Variants in IQSEC1 observed in about 807,000 individuals in gnomAD.
IQSEC1 encodes the protein IQ motif and Sec7 domain ArfGEF 1, also known as IQ motif and SEC7 domain-containing protein 1.
A neutral mutation model predicts 91.0 loss-of-function variants in IQSEC1; 31 were observed. The ratio of observed to expected loss-of-function variants is 0.34; its 90% CI spans 0.26 to 0.46. The LOEUF (loss-of-function observed/expected upper bound fraction) is 0.46, where lower values mean the gene tolerates loss of function less well. Ranked by LOEUF, IQSEC1 falls within the 20% of genes least tolerant of loss-of-function variation. The pLI is 1.00. For synonymous variants in IQSEC1, 699 were observed against 662.6 expected, an observed-to-expected ratio of 1.05 and a Z score of -0.84; for missense variants, 1,388 against 1,575.6, an observed-to-expected ratio of 0.88 and a Z score of 2.02.
chr3:13,092,103 T>G (rs937091743), intron 2 of IQSEC1, among the ~76,000 whole-genome samples: 1 of 152,056 alleles, frequency 6.6e-6, no homozygotes, highest in East Asian at 1.9e-4. Context: ...TCAATTGCCC[T>G]GCACTGTGCA....
chr3:12,935,739 CG>C lies in IQSEC1; in HGVS notation c.1276del (p.Arg426GlyfsTer93). Reference protein sequence around the residue: ...LPREEPELRPRPPRPLDSHLA... With the variant: ...LPREEPELRPXPPRPLDSHLA... ...GTGGCTGTCCAGGGGCCTGGGGGGC[CG>C]GGGCCGCAACTCAGGCTCCTCCCGG... On this transcript the variant is annotated frameshift_variant, in exon 3 of 14. Transcript: ENST00000613206. LOFTEE classifies it high-confidence loss of function. The surrounding 1 kb of genome is among the most constrained non-coding windows in gnomAD (Gnocchi z 8.0). The C allele has an allele frequency of 6.2e-7, 1 of 1,610,746 alleles. No individual in the cohort carries two copies.
intron 1 of IQSEC1, among the ~76,000 whole-genome samples, chr3:13,190,637 T>C (rs907279162): frequency 1.3e-5 from 2 of 152,146 alleles, no homozygotes; most frequent in African/African-American, 4.8e-5. Context: ...TGGCAGTGTC[T>C]ACGAAGGATG....
intron 1 of IQSEC1, among the ~76,000 whole-genome samples, chr3:13,213,475 TC>T (rs771699763): frequency 2.2e-4 from 34 of 152,346 alleles, no homozygotes; most frequent in Admixed American, 9.1e-4. Context: ...TTGTTCTTTT[TC>T]AGGACCATTT....
At chr3:12,952,759 C>T (rs1465856792) in intron 1 of IQSEC1, among the ~76,000 whole-genome samples, 1 of 152,216 alleles carries the variant, frequency 6.6e-6, no homozygotes, top group Non-Finnish European at 1.5e-5. Flanking sequence ...TCAGAGCGGA[C>T]TTCCCCCAGG....
chr3:13,172,227 C>T (rs1693629957), intron 1 of IQSEC1, among the ~76,000 whole-genome samples: 1 of 152,234 alleles, frequency 6.6e-6, no homozygotes, highest in Admixed American at 6.5e-5. Context: ...GCTCTAAGGC[C>T]TCCATCCTGC....
chr3:13,185,134 TG>T (rs1250597377), intron 1 of IQSEC1, among the ~76,000 whole-genome samples: 1 of 152,190 alleles, frequency 6.6e-6, no homozygotes, highest in Non-Finnish European at 1.5e-5. Flanking sequence ...GAGTGGCTTT[TG>T]GGCAGGGAAA....
chr3:12,982,293 G>T (rs1053911395), intron 1 of IQSEC1, among the ~76,000 whole-genome samples: 1 of 152,164 alleles, frequency 6.6e-6, no homozygotes, highest in South Asian at 2.1e-4. Context: ...CTCAACTGAG[G>T]ATCCCAAAAT....
At chr3:13,125,701 C>T (rs556515316) in intron 2 of IQSEC1, among the ~76,000 whole-genome samples, 3 of 152,322 alleles carry the variant, frequency 2.0e-5, no homozygotes, top group South Asian at 2.1e-4. Context: ...ACTGGGATTC[C>T]GCTTGTGGGG....
Position 13,187,276 on chromosome 3 carries a change from C to T in IQSEC1, c.273-23143G>A, listed in dbSNP as rs367975556. Among the ~76,000 whole-genome samples the T allele has an allele frequency of 7.0e-4, 106 of 152,272 alleles. 1 individual carries two copies. In the South Asian group the frequency reaches 0.016, roughly 23 times the overall value. On this transcript the variant is annotated intron_variant, in intron 1 of 15. Transcript: ENST00000648114. ...CAGTCTTGTACACAGATCACCTTTC[C>T]CACAGCACGGCTGATGCCATGATAC...
chr3:13,070,573 A>T (rs575470510), intron 1 of IQSEC1, among the ~76,000 whole-genome samples: 47 of 152,326 alleles, frequency 3.1e-4, no homozygotes, highest in South Asian at 1.9e-3. Context: ...AATGGTGGGC[A>T]AACACAGGCT....
chr3:13,153,516 G>A (rs552596170), intron 2 of IQSEC1, among the ~76,000 whole-genome samples: 1 of 152,270 alleles, frequency 6.6e-6, no homozygotes, highest in South Asian at 2.1e-4. Context: ...TGCCACCAAG[G>A]GGGCTGCTCC....
At chr3:13,261,954 A>G (rs1695396383) in intron 1 of IQSEC1, among the ~76,000 whole-genome samples, 2 of 152,226 alleles carry the variant, frequency 1.3e-5, no homozygotes, top group South Asian at 4.1e-4. Context: ...ACTTTCATAA[A>G]TCAGTACACT....
chr3:12,935,732 G>T lies in IQSEC1; in HGVS notation c.1284C>A (p.Pro428=), dbSNP rs977543955. 8 of 1,611,210 alleles carry T rather than the reference G, an allele frequency of 5.0e-6. No homozygotes were observed. Among genetic ancestry groups the T allele is most frequent in the Non-Finnish European group, 6.8e-6 (8 of 1,179,848 alleles). ...REEPELRPRP[P]RPLDSHLAIN... ...TGGCCAAGTGGCTGTCCAGGGGCCT[G>T]GGGGGCCGGGGCCGCAACTCAGGCT... Residue 428 remains proline (P), a synonymous_variant, in exon 3 of 14, where the codon CCC becomes CCA. Coordinates refer to ENST00000613206, the MANE Select transcript of IQSEC1 (RefSeq NM_001134382.3). The surrounding 1 kb of genome is among the most constrained non-coding windows in gnomAD (Gnocchi z 8.0).
At position 12,899,881 on chromosome 3, in the gene IQSEC1, T is replaced by G; in HGVS notation, c.*1102A>C. 1 of 985,006 alleles carries G rather than the reference T, an allele frequency of 1.0e-6. No homozygotes were observed. Among genetic ancestry groups the G allele is most frequent in the African/African-American group, 1.7e-5 (1 of 57,212 alleles). The allele number at this position is 985,006 out of a possible 1,614,324, so 61.0% of individuals were successfully genotyped here. On this transcript the variant is annotated 3_prime_UTR_variant, in exon 14 of 14. Transcript: ENST00000613206. ...CGAGGATGAGAGCTGGTCACTTTCA[T>G]GTTGGAGATGAACACTTCTGCCGTG...
At chr3:13,152,467 A>G (rs1187601786) in intron 2 of IQSEC1, among the ~76,000 whole-genome samples, 1 of 152,246 alleles carries the variant, frequency 6.6e-6, no homozygotes, top group Admixed American at 6.5e-5. Context: ...AAACTTCATG[A>G]GTCTCAAAGG....
Position 12,979,097 on chromosome 3 carries a change from G to A in IQSEC1, c.24-37232C>T, listed in dbSNP as rs896875825. 3.9e-5 allele frequency among the ~76,000 whole-genome samples: 6 copies of A among 152,150 alleles called. No individual in the cohort carries two copies. Among genetic ancestry groups the A allele is most frequent in the African/African-American group, 1.2e-4 (5 of 41,418 alleles). On this transcript the variant is annotated intron_variant, in intron 1 of 13. Transcript: ENST00000613206. The surrounding 1 kb of genome is among the most constrained non-coding windows in gnomAD (Gnocchi z 4.3). The stretch of plus-strand genomic sequence containing the variant: ...TGTAAGCAGGAGTGGGAGTGACCTG[G>A]GTTTAGTTTTCCCAACAACCACATA...
chr3:13,022,221 T>C (rs1703433635), intron 1 of IQSEC1: 7 of 1,228,568 alleles, frequency 5.7e-6, no homozygotes, highest in Non-Finnish European at 7.1e-6. Flanking sequence ...TCCTTCTTCA[T>C]GGTAGGAAGA....
chr3:12,975,898 C>A (rs1434405522), intron 1 of IQSEC1, among the ~76,000 whole-genome samples: 1 of 152,240 alleles, frequency 6.6e-6, no homozygotes, highest in African/African-American at 2.4e-5. Context: ...GGAAGAAAGT[C>A]TCTGCCTTAG....
In IQSEC1 at chr3:13,234,136, CTG is replaced by C. The variant is rs572177352; in HGVS notation, c.272+48573_272+48574del. Among the ~76,000 whole-genome samples, 592 of 152,300 alleles carry C rather than the reference CTG, an allele frequency of 3.9e-3. 5 individuals carry two copies. Among genetic ancestry groups the C allele is most frequent in the African/African-American group, 0.013 (548 of 41,542 alleles). ...TTCAAAACTTTGGCACAGATTGTGC[CTG>C]TGTTTGTCTGTGTGTACCCCAGTGT... On this transcript the variant is annotated intron_variant, in intron 1 of 15. Transcript: ENST00000648114.
Sources: gnomAD v4.1 joint callset for allele counts (sites outside exome capture counted in the v4.1 genomes callset) on GRCh38, gnomAD v4.1.1 for gene constraint, Gnocchi (gnomAD v3.1) non-coding constraint, MANE v1.5 for transcripts, NCBI Gene and HGNC (gene_info 2026-07-23, HGNC 2026-07-21) for gene names.